SMG6: variants seen among roughly 807,000 people sequenced by gnomAD.
SMG6 encodes the protein telomerase-binding protein EST1A.
A neutral mutation model predicts 142.2 loss-of-function variants in SMG6; 66 were observed. That is an observed-to-expected ratio of 0.46 (90% CI 0.38 to 0.57). The LOEUF (loss-of-function observed/expected upper bound fraction) is 0.57, where lower values mean the gene tolerates loss of function less well. SMG6 is among the 20% of genes least tolerant of loss of function. The pLI, the probability that SMG6 is intolerant of heterozygous loss-of-function variation, is 0.00. For synonymous variants in SMG6, 779 were observed against 702.4 expected (o/e 1.11, Z -1.72); for missense variants, 1,793 against 1,832.0 (o/e 0.98, Z 0.39).
In SMG6 at chr17:2,182,273, G is replaced by A. The variant is rs1049025391; in HGVS notation, c.3155+4390C>T. On this transcript the variant is annotated intron_variant, in intron 12 of 18. Coordinates refer to ENST00000263073, the MANE Select transcript of SMG6 (RefSeq NM_017575.5). ...TGTTAACTCTTTGGGGATCACTGCT[G>A]AGAAACAGCTGTCCCCTGGCCAGCA... Among the ~76,000 whole-genome samples, 10 of 152,320 alleles carry A rather than the reference G, an allele frequency of 6.6e-5. No homozygotes were observed. The South Asian group carries it at 1.9e-3, about 28-fold the overall frequency.
At chr17:2,172,938 G>T in intron 12 of SMG6, 79 bp from the exon 13 acceptor site, 2 of 1,339,652 alleles carry the variant, frequency 1.5e-6, no homozygotes, top group Non-Finnish European at 2.1e-6. Flanking sequence ...TTGTGAGCAG[G>T]GAAGTACTTG....
chr17:2,148,778 G>A (rs2070742354), intron 13 of SMG6, among the ~76,000 whole-genome samples: 1 of 151,544 alleles, frequency 6.6e-6, no homozygotes, highest in Admixed American at 6.6e-5. Context: ...AGAATTGCCT[G>A]AACCCAGAAA....
At chr17:2,109,613 T>A (rs2151490209) in intron 13 of SMG6, among the ~76,000 whole-genome samples, 1 of 152,224 alleles carries the variant, frequency 6.6e-6, no homozygotes. Context: ...AAGAATAGGA[T>A]TAGAGACAGG....
intron 8 of SMG6, 40 bp downstream of exon 8, chr17:2,282,607 T>G: frequency 5.6e-6 from 9 of 1,601,278 alleles, no homozygotes; most frequent in Non-Finnish European, 7.7e-6. Flanking sequence ...CCAGGCTTAC[T>G]GAGCTAGTTT....
chr17:2,079,273 A>G (rs1046006009), intron 15 of SMG6, among the ~76,000 whole-genome samples: 5 of 152,206 alleles, frequency 3.3e-5, no homozygotes, highest in Admixed American at 2.0e-4. Flanking sequence ...CATATTGGTG[A>G]CTTTTGACGC....
chr17:2,208,330 T>G (rs1162825270), intron 10 of SMG6, among the ~76,000 whole-genome samples: 1 of 152,128 alleles, frequency 6.6e-6, no homozygotes, highest in Non-Finnish European at 1.5e-5. Flanking sequence ...ACTACAGGCC[T>G]CCTCCTCTGG....
chr17:2,119,802 C>T (rs2069628026), intron 13 of SMG6, among the ~76,000 whole-genome samples: 1 of 152,186 alleles, frequency 6.6e-6, no homozygotes, highest in Non-Finnish European at 1.5e-5. Flanking sequence ...GATTGGGCTA[C>T]AGACGCCCGC....
intron 9 of SMG6, chr17:2,236,910 T>C (rs777382744): frequency 4.8e-5 from 49 of 1,011,518 alleles, no homozygotes; most frequent in Non-Finnish European, 5.6e-5. Flanking sequence ...TGCTTTGGTA[T>C]GCTATTTCCT....
chr17:2,277,886 C>G (rs1302043249), intron 8 of SMG6, among the ~76,000 whole-genome samples: 2 of 151,960 alleles, frequency 1.3e-5, no homozygotes, highest in East Asian at 3.9e-4. Context: ...CTCTACAAAA[C>G]ATTCTTAAAA....
At chr17:2,185,405 ATATG>A (rs925996585) in intron 12 of SMG6, among the ~76,000 whole-genome samples, 6 of 152,172 alleles carry the variant, frequency 3.9e-5, no homozygotes, top group African/African-American at 1.4e-4. Context: ...AGAAGTAACC[ATATG>A]GGGTTCCACA....
intron 13 of SMG6, among the ~76,000 whole-genome samples, chr17:2,147,288 G>T (rs1401345124): frequency 1.3e-5 from 2 of 152,108 alleles, no homozygotes; most frequent in African/African-American, 4.8e-5. Context: ...AGCTACTTGG[G>T]AGGCTGAGGC....
At chr17:2,196,446 A>G (rs1368844753) in intron 10 of SMG6, among the ~76,000 whole-genome samples, 2 of 152,110 alleles carry the variant, frequency 1.3e-5, no homozygotes, top group Non-Finnish European at 2.9e-5. Flanking sequence ...CAGAAAATAA[A>G]AGACAACCTA....
intron 13 of SMG6, among the ~76,000 whole-genome samples, chr17:2,114,043 G>A (rs1011524821): frequency 9.2e-5 from 14 of 152,156 alleles, no homozygotes; most frequent in Non-Finnish European, 1.9e-4. Context: ...CGAGGCAGGC[G>A]GATCACCTGA....
chr17:2,299,128 G>C lies in SMG6; in HGVS notation c.1625C>G (p.Pro542Arg). ...CGGAGTCGGGTAGCCTGGGTAGTAAGGCCCTGGGTACACACCATTCGTAGG... is the reference window on the plus strand; with the variant it reads ...CGGAGTCGGGTAGCCTGGGTAGTAACGCCCTGGGTACACACCATTCGTAGG... Reference protein sequence around the residue: ...VGPTNGVYPGPYYPGYPTPSG... With the variant: ...VGPTNGVYPGRYYPGYPTPSG... The change falls in exon 2 of 19, where the codon CCT (proline) becomes CGT (arginine). Residue 542 changes from proline (P) to arginine (R), a missense_variant. Pro to Arg is a moderately radical substitution (Grantham distance 103). This residue lies in a region of SMG6 where 1,597 missense variants were observed against 1,584.6 expected (regional missense o/e 1.01). Coordinates refer to ENST00000263073, the MANE Select transcript of SMG6 (RefSeq NM_017575.5). The surrounding 1 kb of genome is among the most constrained non-coding windows in gnomAD (Gnocchi z 4.3). The C allele has an allele frequency of 6.2e-7, 1 of 1,613,916 alleles. No homozygotes were observed.
intron 13 of SMG6, among the ~76,000 whole-genome samples, chr17:2,118,706 G>C (rs981983857): frequency 6.6e-6 from 1 of 150,562 alleles, no homozygotes. Context: ...TGCCGTGCAC[G>C]GCTGCAAGTA....
intron 12 of SMG6, among the ~76,000 whole-genome samples, chr17:2,173,425 A>G (rs2071566115): frequency 6.6e-6 from 1 of 152,216 alleles, no homozygotes; most frequent in East Asian, 1.9e-4. Flanking sequence ...ACAAACAAAC[A>G]AAAACCTCAT....
chr17:2,213,997 T>C (rs1443783706), intron 10 of SMG6: 1 of 152,226 alleles, frequency 6.6e-6, no homozygotes, highest in East Asian at 1.9e-4. Flanking sequence ...GGGGATCAAG[T>C]ACAGGAAGCT....
chr17:2,143,737 CAAT>C (rs1323767004), intron 13 of SMG6, among the ~76,000 whole-genome samples: 1 of 152,126 alleles, frequency 6.6e-6, no homozygotes, highest in Non-Finnish European at 1.5e-5. Context: ...AATCATATCT[CAAT>C]AAATTGATTA....
At chr17:2,245,584 C>A (rs2073911613) in intron 8 of SMG6, among the ~76,000 whole-genome samples, 1 of 152,168 alleles carries the variant, frequency 6.6e-6, no homozygotes, top group African/African-American at 2.4e-5. Flanking sequence ...GGGGTTTTGC[C>A]ATGTCGGCCA....
Sources: allele counts gnomAD v4.1 joint callset (sites outside exome capture counted in the v4.1 genomes callset), GRCh38; gene constraint gnomAD v4.1.1; regional missense constraint gnomAD v4.1.1; non-coding constraint Gnocchi (gnomAD v3.1); transcripts MANE v1.5; gene names NCBI Gene and HGNC (gene_info 2026-07-23, HGNC 2026-07-21).